The following USH2A variants were observed in gnomAD, a reference collection of about 807,000 sequenced individuals.
USH2A encodes the protein Usher syndrome 2A (autosomal recessive, mild).
In USH2A, 443 loss-of-function variants were observed where a neutral mutation model predicts 538.9. That is an observed-to-expected ratio of 0.82 (90% CI 0.76 to 0.89). The LOEUF (loss-of-function observed/expected upper bound fraction) is 0.89. Ranked by LOEUF, USH2A falls within the 40% of genes least tolerant of loss-of-function variation. The probability of loss-of-function intolerance (pLI) is 0.00; values close to 1 mark genes in which losing one functional copy is unlikely to be tolerated. For synonymous variants in USH2A, 2,413 were observed against 2,273.5 expected (o/e 1.06, Z -1.75); for missense variants, 6,633 against 6,324.8 (o/e 1.05, Z -1.65).
intron 37 of USH2A, among the ~76,000 whole-genome samples, chr1:215,956,712 G>A (rs569418001): frequency 6.6e-6 from 1 of 152,140 alleles, no homozygotes; most frequent in Non-Finnish European, 1.5e-5. Flanking sequence ...CATAGAGTAT[G>A]CACTTGTTCA....
chr1:216,108,501 T>C (rs1181063454), intron 21 of USH2A, among the ~76,000 whole-genome samples: 2 of 151,982 alleles, frequency 1.3e-5, no homozygotes, highest in Non-Finnish European at 2.9e-5. Context: ...TTTTAGGTTG[T>C]TTCATCATCA....
intron 38 of USH2A, among the ~76,000 whole-genome samples, chr1:215,904,931 A>G (rs1384927082): frequency 1.3e-5 from 2 of 152,144 alleles, no homozygotes; most frequent in Non-Finnish European, 2.9e-5. Flanking sequence ...ATTTTATTAA[A>G]CTTTAAAAAT....
intron 15 of USH2A, among the ~76,000 whole-genome samples, chr1:216,213,826 A>T (rs1393066056): frequency 6.6e-6 from 1 of 152,070 alleles, no homozygotes; most frequent in East Asian, 1.9e-4. Flanking sequence ...GACTATTTGC[A>T]AGTTTTATCC....
At chr1:216,174,554 A>T (rs1412454947) in intron 21 of USH2A, 2 of 982,728 alleles carry the variant, frequency 2.0e-6, no homozygotes, top group Admixed American at 1.2e-4. Flanking sequence ...TTTCACATTG[A>T]TTTTCATTTT....
intron 70 of USH2A, among the ~76,000 whole-genome samples, chr1:215,629,773 C>CTTTTTTTT (rs34349385): frequency 7.2e-5 from 9 of 125,054 alleles, no homozygotes; most frequent in South Asian, 2.5e-4. Flanking sequence ...CTTTTCTTTT[C>CTTTTTTTT]TTTTTTTTTT....
chr1:216,346,534 GT>G (rs2038178991), intron 4 of USH2A, among the ~76,000 whole-genome samples: 1 of 152,076 alleles, frequency 6.6e-6, no homozygotes, highest in Admixed American at 6.6e-5. Context: ...GCTAATGGCA[GT>G]TATGGAATAC....
intron 21 of USH2A, among the ~76,000 whole-genome samples, chr1:216,144,885 A>G (rs1045090127): frequency 2.0e-5 from 3 of 152,096 alleles, no homozygotes; most frequent in African/African-American, 4.8e-5. Flanking sequence ...ATATGCTCAT[A>G]GCTTCTTTTT....
chr1:216,018,066 G>C (rs1668759512), intron 32 of USH2A, among the ~76,000 whole-genome samples: 1 of 151,992 alleles, frequency 6.6e-6, no homozygotes, highest in Non-Finnish European at 1.5e-5. Flanking sequence ...TTTCTCTTTT[G>C]TGCTTCACTA....
chr1:215,699,087 A>C (rs557429657), intron 61 of USH2A, among the ~76,000 whole-genome samples: 54 of 152,290 alleles, frequency 3.5e-4, no homozygotes, highest in African/African-American at 1.3e-3. Context: ...TCCTTTCCCC[A>C]TTGCTTGTTT....
chr1:215,721,730 G>C (rs575738963), intron 61 of USH2A, among the ~76,000 whole-genome samples: 1 of 152,048 alleles, frequency 6.6e-6, no homozygotes, highest in South Asian at 2.1e-4. Flanking sequence ...TGTAAGGCAA[G>C]TAAATGAAAA....
Position 216,421,932 on chromosome 1 carries a change from G to A in USH2A, c.405C>T (p.Cys135=). The change falls in exon 2 of 72, where the codon TGC becomes TGT. Residue 135 remains cysteine, a synonymous_variant. Transcript: ENST00000307340. Reference sequence around the variant, plus strand: ...GCTTTGGAGAAGGAGGAGAAGAAAAGCAGCTCTTGTGATTTCCAAAAATAA... The same window carrying A: ...GCTTTGGAGAAGGAGGAGAAGAAAAACAGCTCTTGTGATTTCCAAAAATAA... The part of the protein sequence containing the change: ...ASFIFGNHKS[C]FSSPPSPKLM... The A allele has an allele frequency of 6.2e-7, 1 of 1,613,964 alleles. No homozygotes were observed. The highest frequency in any genetic ancestry group is 8.5e-7 in the Non-Finnish European group (1 of 1,179,918).
At chr1:216,022,155 C>T (rs1223170249) in intron 32 of USH2A, among the ~76,000 whole-genome samples, 2 of 152,088 alleles carry the variant, frequency 1.3e-5, no homozygotes, top group Non-Finnish European at 2.9e-5. Flanking sequence ...TGTACAGCCT[C>T]CAGAACCGTG....
At chr1:215,720,084 T>A (rs1659609379) in intron 61 of USH2A, among the ~76,000 whole-genome samples, 1 of 152,168 alleles carries the variant, frequency 6.6e-6, no homozygotes, top group African/African-American at 2.4e-5. Flanking sequence ...GCTAGACATA[T>A]CACTGCATGA....
At chr1:216,391,282 G>A (rs2102746594) in intron 3 of USH2A, among the ~76,000 whole-genome samples, 1 of 152,246 alleles carries the variant, frequency 6.6e-6, no homozygotes, top group East Asian at 1.9e-4. Flanking sequence ...AGTGACAGAA[G>A]GCTTTAAATA....
intron 47 of USH2A, among the ~76,000 whole-genome samples, chr1:215,829,284 A>C (rs751564708): frequency 2.0e-5 from 3 of 152,212 alleles, no homozygotes; most frequent in Non-Finnish European, 2.9e-5. Flanking sequence ...GAGGAAAAAC[A>C]TGCATAAGGG....
intron 3 of USH2A, among the ~76,000 whole-genome samples, chr1:216,417,817 T>C (rs1483406423): frequency 6.6e-6 from 1 of 152,062 alleles, no homozygotes; most frequent in Non-Finnish European, 1.5e-5. Context: ...TTTTTTATAG[T>C]AGTGGAAGAA....
chr1:216,198,279 G>A (rs368252705), intron 18 of USH2A, 36 bp downstream of exon 18: 139 of 1,612,792 alleles, frequency 8.6e-5, no homozygotes, highest in Non-Finnish European at 1.0e-4. Flanking sequence ...TGCATTCAGA[G>A]GTTTTAAAAG....
At chr1:216,418,464 G>A in intron 3 of USH2A, 50 bp downstream of exon 3, 2 of 1,599,138 alleles carry the variant, frequency 1.3e-6, no homozygotes, top group African/African-American at 1.3e-5. Context: ...GAGAAAGGAA[G>A]ACAAATCCTT....
intron 37 of USH2A, among the ~76,000 whole-genome samples, chr1:215,936,781 T>C (rs1045836859): frequency 6.6e-6 from 1 of 152,070 alleles, no homozygotes; most frequent in African/African-American, 2.4e-5. Context: ...CTAAGGTTTT[T>C]CAATGAATAA....
Sources: gnomAD v4.1 joint callset for allele counts (sites outside exome capture counted in the v4.1 genomes callset) on GRCh38, gnomAD v4.1.1 for gene constraint, MANE v1.5 for transcripts, NCBI Gene and HGNC (gene_info 2026-07-23, HGNC 2026-07-21) for gene names.